Variants in PIEZO1 observed in about 807,000 individuals in gnomAD.
PIEZO1 encodes the protein piezo-type mechanosensitive ion channel component 1.
Under a neutral mutation model 297.2 loss-of-function variants are expected in PIEZO1, and 296 were observed. That is an observed-to-expected ratio of 1.00 (90% CI 0.91 to 1.10). The LOEUF (loss-of-function observed/expected upper bound fraction) is 1.10, where lower values mean the gene tolerates loss of function less well. Among genes scored for constraint, PIEZO1 ranks in the 50% least tolerant of loss-of-function variants. The pLI is 0.00. For synonymous variants in PIEZO1, 2,427 were observed against 1,507.5 expected, an observed-to-expected ratio of 1.61 and a Z score of -14.13; for missense variants, 5,018 against 3,455.5, an observed-to-expected ratio of 1.45 and a Z score of -11.34.
At chr16:88,778,824 C>T (rs1261470922) in intron 1 of PIEZO1, among the ~76,000 whole-genome samples, 2 of 152,190 alleles carry the variant, frequency 1.3e-5, no homozygotes, top group African/African-American at 4.8e-5. Context: ...CTGGGAGCCA[C>T]CCACACACCC....
At chr16:88,759,526 G>A (rs904924142) in intron 1 of PIEZO1, among the ~76,000 whole-genome samples, 4 of 152,292 alleles carry the variant, frequency 2.6e-5, no homozygotes, top group South Asian at 2.1e-4. Context: ...TGCTTTCGAC[G>A]GTGGGCGGGG....
chr16:88,739,032 G>T, intron 5 of PIEZO1: 1 of 495,696 alleles, frequency 2.0e-6, no homozygotes, highest in Non-Finnish European at 3.7e-6. Context: ...ACCTTGCCAG[G>T]TACAGACAGA....
At chr16:88,765,928 C>A (rs1334127594) in intron 1 of PIEZO1, among the ~76,000 whole-genome samples, 2 of 152,146 alleles carry the variant, frequency 1.3e-5, no homozygotes, top group Non-Finnish European at 2.9e-5. Context: ...CCCACCCAGG[C>A]CTCCCAAGGT....
At chr16:88,747,784 C>T (rs939034675) in intron 2 of PIEZO1, among the ~76,000 whole-genome samples, 10 of 152,112 alleles carry the variant, frequency 6.6e-5, no homozygotes, top group African/African-American at 1.9e-4. Flanking sequence ...CTGGATTAGC[C>T]GGGGAGGCAG....
intron 21 of PIEZO1, 142 bp from the exon 22 acceptor site, chr16:88,732,052 G>T: frequency 4.0e-6 from 1 of 252,320 alleles, no homozygotes; most frequent in Non-Finnish European, 7.2e-6. Context: ...CAGCGGCGCT[G>T]TCAAGAGGGC....
chr16:88,715,740 G>T lies in PIEZO1; in HGVS notation c.7431C>A (p.Ile2477=), dbSNP rs772748505. Residue 2477 remains isoleucine, a synonymous_variant, in exon 51 of 51, where the codon ATC becomes ATA. Coordinates refer to ENST00000301015, the MANE Select transcript of PIEZO1 (RefSeq NM_001142864.4). ...GGAAGATGTCCTGGCAGAGCTTGAG[G>T]ATGCGGTCCACGCACGGCAGCTCCT... ...MFEELPCVDR[I]LKLCQDIFLV... is the part of the protein sequence containing the mutation. 3 of 1,550,374 alleles carry T rather than the reference G, an allele frequency of 1.9e-6. No homozygotes were observed. Among genetic ancestry groups the T allele is most frequent in the Non-Finnish European group, 2.6e-6 (3 of 1,147,008 alleles).
chr16:88,784,550 C>A (rs981427689), intron 1 of PIEZO1, among the ~76,000 whole-genome samples: 4 of 151,986 alleles, frequency 2.6e-5, no homozygotes, highest in African/African-American at 4.8e-5. Flanking sequence ...CCGCCGCGGC[C>A]CTTCCCACCG....
In PIEZO1 at chr16:88,722,041, C is replaced by T. The variant is rs1406098820; in HGVS notation, c.4981G>A (p.Glu1661Lys). Residue 1661 changes from glutamate (E) to lysine (K), a missense_variant, in exon 37 of 51, where the codon GAG (glutamate) becomes AAG (lysine). Coordinates refer to ENST00000301015, the MANE Select transcript of PIEZO1 (RefSeq NM_001142864.4). ...TGCCCCTCCGCAAACAGCTCTGCCT[C>T]CTCCAGCTCTGGGATGCGCAGGCGC... Reference protein sequence around the residue: ...DRRLRIPELEEAELFAEGQGR... With the variant: ...DRRLRIPELEKAELFAEGQGR... 17 of 1,547,586 alleles carry T rather than the reference C, an allele frequency of 1.1e-5. No individual in the cohort carries two copies. The highest frequency in any genetic ancestry group is 7.2e-5 in the South Asian group (6 of 83,906).
At position 88,722,869 on chromosome 16, in the gene PIEZO1, C is replaced by G; in HGVS notation, c.4636G>C (p.Glu1546Gln). The change falls in exon 34 of 51, where the codon GAG becomes CAG. Residue 1546 changes from glutamate to glutamine, a missense_variant. Physicochemically the swap from Glu to Gln is conservative, Grantham distance 29 (BLOSUM62 2). Transcript: ENST00000301015. Reference protein sequence around the residue: ...HGTMSDVLRAERYLLTQELLQ... With the variant: ...HGTMSDVLRAQRYLLTQELLQ... The stretch of plus-strand genomic sequence containing the variant: ...AGCTCCTGTGTGAGGAGGTAGCGCT[C>G]TGCCCGCAGCACGTCGCTCATGGTG... The G allele has an allele frequency of 6.5e-7, 1 of 1,548,182 alleles. No individual in the cohort carries two copies. Among genetic ancestry groups the G allele is most frequent in the South Asian group, 1.2e-5 (1 of 84,054 alleles).
intron 1 of PIEZO1, among the ~76,000 whole-genome samples, chr16:88,751,986 C>T (rs1448335563): frequency 6.6e-6 from 1 of 152,346 alleles, no homozygotes. Flanking sequence ...GGACACCAGG[C>T]AGGGCTCCTG....
chr16:88,766,873 C>A (rs944063512), intron 1 of PIEZO1, among the ~76,000 whole-genome samples: 64 of 152,366 alleles, frequency 4.2e-4, no homozygotes, highest in African/African-American at 1.3e-3. Flanking sequence ...AGGTTGGAAC[C>A]CTGGGCCCAA....
intron 39 of PIEZO1, 58 bp downstream of exon 39, chr16:88,721,108 C>T (rs1597444425): frequency 1.4e-6 from 2 of 1,424,132 alleles, no homozygotes; most frequent in Middle Eastern, 1.8e-4. Flanking sequence ...ACCCTCCCTG[C>T]AGTAGCCCCA....
rs753508999 is a variant in PIEZO1 at position 88,737,626 on chromosome 16, G to C, written c.1128C>G (p.Pro376=). 1.0e-4 allele frequency: 154 copies of C among 1,534,886 alleles called. 1 individual carries two copies. The East Asian group carries it at 3.1e-3, about 31-fold the overall frequency. ...ESDQHVVPTA[P]DTEADNCIVH... is the part of the protein sequence containing the mutation. ...CGATGCAGTTATCAGCCTCGGTGTC[G>C]GGTGCTGTGGGCACCACGTGCTGTG... Residue 376 remains proline (P), a synonymous_variant, in exon 10 of 51, where the codon CCC becomes CCG. Transcript: ENST00000301015.
chr16:88,767,952 T>C (rs982080336), intron 1 of PIEZO1, among the ~76,000 whole-genome samples: 3 of 152,080 alleles, frequency 2.0e-5, no homozygotes, highest in Non-Finnish European at 4.4e-5. Flanking sequence ...ACGCACATGC[T>C]TCTCCCGCTC....
intron 24 of PIEZO1, 33 bp from the exon 25 acceptor site, chr16:88,726,991 G>A (rs921066926): frequency 1.8e-5 from 28 of 1,548,978 alleles, no homozygotes; most frequent in South Asian, 4.8e-5. Flanking sequence ...CGGGCGCCCC[G>A]GCCACCCCTC....
In PIEZO1 at chr16:88,719,619, G is replaced by A. The variant is rs548821589; in HGVS notation, c.6426C>T (p.Ile2142=). ...SLSSWMCVED[I]YANIFIIKCS... ...ATTTGATGATGAAGATGTTGGCATA[G>A]ATGTCCTCCACACACATCCAGCTGG... Residue 2142 remains isoleucine (I), a synonymous_variant, in exon 44 of 51, where the codon ATC becomes ATT. Coordinates refer to ENST00000301015, the MANE Select transcript of PIEZO1 (RefSeq NM_001142864.4). 6.4e-7 allele frequency: 1 copy of A among 1,552,506 alleles called. No homozygotes were observed.
intron 1 of PIEZO1, among the ~76,000 whole-genome samples, chr16:88,759,482 T>C (rs1216285863): frequency 6.6e-6 from 1 of 152,128 alleles, no homozygotes. Flanking sequence ...CTTATTTGGC[T>C]TGGAAGAGAA....
intron 27 of PIEZO1, 34 bp from the exon 28 acceptor site, chr16:88,725,718 G>A (rs952664102): frequency 8.7e-7 from 1 of 1,148,608 alleles, no homozygotes. Context: ...GTGAGCACCA[G>A]GCACTCGACC....
intron 2 of PIEZO1, among the ~76,000 whole-genome samples, chr16:88,747,128 G>T (rs1906102613): frequency 6.6e-6 from 1 of 152,136 alleles, no homozygotes. Context: ...CACTTTGGTA[G>T]GCTAAGGCAG....
Sources: allele counts gnomAD v4.1 joint callset (sites outside exome capture counted in the v4.1 genomes callset), GRCh38; gene constraint gnomAD v4.1.1; transcripts MANE v1.5; gene names NCBI Gene and HGNC (gene_info 2026-07-23, HGNC 2026-07-21).